The following PHF14 variants were observed in gnomAD, a reference collection of about 807,000 sequenced individuals.
PHF14 encodes the protein PHD finger protein 14.
In PHF14, 55 loss-of-function variants were observed where a neutral mutation model predicts 117.9. The ratio of observed to expected loss-of-function variants is 0.47; its 90% CI spans 0.38 to 0.58. PHF14 has a LOEUF of 0.58. Among genes scored for constraint, PHF14 ranks in the 20% least tolerant of loss-of-function variants. PHF14 has a pLI of 0.00. For missense variants in PHF14, 978 were observed against 1,122.2 expected (o/e 0.87, Z 1.84); for synonymous variants, 409 against 368.6 (o/e 1.11, Z -1.26).
chr7:11,017,535 C>T (rs1202798829), intron 5 of PHF14, among the ~76,000 whole-genome samples: 1 of 151,962 alleles, frequency 6.6e-6, no homozygotes, highest in Non-Finnish European at 1.5e-5. Context: ...AGCATATGAG[C>T]TTCTTTTTAT....
At chr7:11,128,081 C>G (rs1787979842) in intron 17 of PHF14, among the ~76,000 whole-genome samples, 1 of 152,064 alleles carries the variant, frequency 6.6e-6, no homozygotes, top group South Asian at 2.1e-4. Flanking sequence ...TCTCAAGATT[C>G]ACTGTATTGG....
At chr7:11,035,583 T>G in intron 7 of PHF14, 57 bp from the exon 8 acceptor site, 1 of 1,139,562 alleles carries the variant, frequency 8.8e-7, no homozygotes, top group Non-Finnish European at 1.2e-6. Context: ...GTGTTAGGTC[T>G]TTTATGACTC....
chr7:11,054,313 T>A (rs1442098634), intron 14 of PHF14, among the ~76,000 whole-genome samples: 1 of 152,148 alleles, frequency 6.6e-6, no homozygotes, highest in African/African-American at 2.4e-5. Context: ...TAAGCAGATT[T>A]CTTAGGTGCT....
At chr7:11,158,673 A>G (rs73679507) in intron 17 of PHF14, among the ~76,000 whole-genome samples, 3,492 of 152,188 alleles carry the variant, frequency 0.023, 125 homozygotes, top group African/African-American at 0.08. Flanking sequence ...ATTTTCATAC[A>G]AACAATGGGG....
At chr7:11,156,792 G>GA (rs889119614) in intron 17 of PHF14, among the ~76,000 whole-genome samples, 21 of 151,226 alleles carry the variant, frequency 1.4e-4, no homozygotes, top group Non-Finnish European at 2.2e-4. Context: ...GACTGTCTCA[G>GA]AAAAAAAACA....
At chr7:11,152,431 A>G (rs942469274) in intron 17 of PHF14, among the ~76,000 whole-genome samples, 1 of 152,168 alleles carries the variant, frequency 6.6e-6, no homozygotes, top group Admixed American at 6.5e-5. Context: ...AGGATTATAA[A>G]TAACGAACGT....
At chr7:11,049,807 T>C (rs1784792417) in intron 13 of PHF14, among the ~76,000 whole-genome samples, 1 of 152,238 alleles carries the variant, frequency 6.6e-6, no homozygotes, top group Admixed American at 6.5e-5. Flanking sequence ...ATGGGACAAA[T>C]GCAGGAGCAA....
At chr7:11,106,599 CATCT>C in intron 16 of PHF14, 3 of 983,826 alleles carry the variant, frequency 3.0e-6, no homozygotes, top group Non-Finnish European at 3.6e-6. Flanking sequence ...GTATTTTCTC[CATCT>C]GTTAAGATGT....
intron 7 of PHF14, among the ~76,000 whole-genome samples, chr7:11,032,324 G>GT (rs1445913188): frequency 6.6e-6 from 1 of 152,092 alleles, no homozygotes; most frequent in Non-Finnish European, 1.5e-5. Flanking sequence ...TCTGGTTTCA[G>GT]TAAACACATC....
intron 17 of PHF14, among the ~76,000 whole-genome samples, chr7:11,112,237 ACTGT>A (rs1278196201): frequency 3.3e-5 from 5 of 152,196 alleles, no homozygotes; most frequent in African/African-American, 1.2e-4. Flanking sequence ...ACGAAAATTA[ACTGT>A]CTGTTGTATT....
chr7:11,035,934 A>G (rs973365651), intron 8 of PHF14, 148 bp downstream of exon 8: 9 of 650,100 alleles, frequency 1.4e-5, no homozygotes, highest in Middle Eastern at 2.6e-4. Flanking sequence ...GTAAATAGTG[A>G]GTATAATTTT....
At chr7:11,067,538 C>T (rs1394042129) in intron 16 of PHF14, among the ~76,000 whole-genome samples, 1 of 152,036 alleles carries the variant, frequency 6.6e-6, no homozygotes, top group Non-Finnish European at 1.5e-5. Context: ...TTCACAATAG[C>T]CAAAAGGTGG....
At chr7:11,063,086 C>G in intron 16 of PHF14, 1 of 902,182 alleles carries the variant, frequency 1.1e-6, no homozygotes, top group Non-Finnish European at 1.3e-6. Flanking sequence ...CTTAATTTCT[C>G]AAAGAAAGGC....
intron 7 of PHF14, among the ~76,000 whole-genome samples, chr7:11,034,364 A>G (rs527561551): frequency 6.6e-6 from 1 of 152,112 alleles, no homozygotes; most frequent in African/African-American, 2.4e-5. Flanking sequence ...TTTGTACTAC[A>G]TCTTTACAAG....
At chr7:11,021,935 A>G (rs1349322025) in intron 5 of PHF14, among the ~76,000 whole-genome samples, 2 of 152,158 alleles carry the variant, frequency 1.3e-5, no homozygotes, top group Non-Finnish European at 2.9e-5. Flanking sequence ...AAGTTGTGAT[A>G]AAGCAGAATT....
chr7:11,027,126 T>G (rs220093), intron 6 of PHF14, among the ~76,000 whole-genome samples: 63,583 of 152,016 alleles, frequency 0.42, 15,090 homozygotes, highest in Non-Finnish European at 0.53. Context: ...CTGAAATCCC[T>G]TGCTCAATTT....
intron 6 of PHF14, 46 bp from the exon 7 acceptor site, chr7:11,028,635 C>A: frequency 1.3e-6 from 2 of 1,590,398 alleles, no homozygotes; most frequent in Non-Finnish European, 1.7e-6. Flanking sequence ...AGTCTTTAGT[C>A]TGGAAATAAG....
At chr7:11,018,819 C>T (rs117724228) in intron 5 of PHF14, among the ~76,000 whole-genome samples, 7,417 of 152,194 alleles carry the variant, frequency 0.049, 239 homozygotes, top group Non-Finnish European at 0.076. Flanking sequence ...TGTCGTGTTC[C>T]AGATCTTAGA....
chr7:11,169,502 T>A lies in PHF14; in HGVS notation c.*12T>A. On this transcript the variant is annotated 3_prime_UTR_variant, in exon 18 of 18. Coordinates refer to ENST00000634607, the MANE Select transcript of PHF14 (RefSeq NM_001007157.2). ...ATCCAAAGAAATAAAAGATTTTCTG[T>A]AGTGTTTTTGAAAAGTTTGCAGCTT... is the stretch of plus-strand genomic sequence containing the variant. 7.3e-7 allele frequency: 1 copy of A among 1,369,104 alleles called. No individual in the cohort carries two copies. The highest frequency in any genetic ancestry group is 9.9e-7 in the Non-Finnish European group (1 of 1,009,784). The allele number at this position is 1,369,104 out of a possible 1,614,324, so 84.8% of individuals were successfully genotyped here.
Sources: allele counts gnomAD v4.1 joint callset (sites outside exome capture counted in the v4.1 genomes callset), GRCh38; gene constraint gnomAD v4.1.1; transcripts MANE v1.5; gene names NCBI Gene and HGNC (gene_info 2026-07-23, HGNC 2026-07-21).